Variants in LDAH observed in about 807,000 individuals in gnomAD.
LDAH encodes the protein lipid droplet associated hydrolase, also known as lipid droplet-associated hydrolase.
LDAH carries 26 observed loss-of-function variants against 29.6 expected under a neutral mutation model. That is an observed-to-expected ratio of 0.88 (90% confidence interval 0.64 to 1.22). LDAH has a LOEUF of 1.22. LDAH is among the 50% of genes most tolerant of loss of function. LDAH has a pLI of 0.00. For missense variants in LDAH, 344 were observed against 387.3 expected, an observed-to-expected ratio of 0.89 and a Z score of 0.94; for synonymous variants, 117 against 133.0, an observed-to-expected ratio of 0.88 and a Z score of 0.83.
At chr2:20,772,261 A>G (rs971173395) in intron 4 of LDAH, among the ~76,000 whole-genome samples, 7 of 152,228 alleles carry the variant, frequency 4.6e-5, no homozygotes, top group African/African-American at 1.7e-4. Flanking sequence ...CTCCAAAATG[A>G]ATATTTTCTT....
intron 1 of LDAH, among the ~76,000 whole-genome samples, chr2:20,804,137 G>A (rs936377817): frequency 2.0e-5 from 3 of 152,146 alleles, no homozygotes; most frequent in Non-Finnish European, 4.4e-5. Context: ...GGTAAAATTT[G>A]TCATGTCATG....
intron 4 of LDAH, 58 bp downstream of exon 4, chr2:20,774,752 G>A: frequency 6.6e-7 from 1 of 1,518,776 alleles, no homozygotes; most frequent in Non-Finnish European, 9.0e-7. Context: ...GAAAGGTGAG[G>A]AGGATTTGTG....
At chr2:20,789,328 G>A (rs1670779845) in intron 3 of LDAH, 2 of 1,535,132 alleles carry the variant, frequency 1.3e-6, no homozygotes, top group Admixed American at 4.1e-5. Flanking sequence ...CGAGAGGACA[G>A]CAAGAATGCC....
At chr2:20,816,081 T>G (rs150839594) in intron 1 of LDAH, among the ~76,000 whole-genome samples, 1 of 152,196 alleles carries the variant, frequency 6.6e-6, no homozygotes, top group East Asian at 1.9e-4. Flanking sequence ...GATAAGTTGT[T>G]ACATCTATTG....
rs1263127403 is a variant in LDAH, at chr2:20,738,797, AT to A, written c.703+1173del. 5.9e-5 allele frequency among the ~76,000 whole-genome samples: 9 copies of A among 152,334 alleles called. No homozygotes were observed. In the East Asian group the frequency reaches 1.7e-3, roughly 29 times the overall value. On this transcript the variant is annotated intron_variant, in intron 5 of 6. Transcript: ENST00000237822. ...ATAGGACAAATATACTGAACCTTGT[AT>A]TTTTGAGGACTGCTTCTTGTTACAT...
At chr2:20,803,531 G>A (rs1671865289) in intron 1 of LDAH, among the ~76,000 whole-genome samples, 1 of 152,188 alleles carries the variant, frequency 6.6e-6, no homozygotes, top group Admixed American at 6.5e-5. Flanking sequence ...ATCTAAAGTG[G>A]TGCTCCAACT....
chr2:20,766,161 A>G (rs1350704985), intron 4 of LDAH, among the ~76,000 whole-genome samples: 1 of 152,206 alleles, frequency 6.6e-6, no homozygotes, highest in Admixed American at 6.5e-5. Context: ...AAGTGAAACA[A>G]AAGTTTCATA....
At chr2:20,725,380 C>A (rs1324225425) in intron 5 of LDAH, among the ~76,000 whole-genome samples, 1 of 152,170 alleles carries the variant, frequency 6.6e-6, no homozygotes, top group African/African-American at 2.4e-5. Flanking sequence ...TTGAAGAAGA[C>A]CTGTCACAAT....
intron 4 of LDAH, among the ~76,000 whole-genome samples, chr2:20,770,216 G>A (rs1193359930): frequency 6.6e-6 from 1 of 152,148 alleles, no homozygotes; most frequent in Non-Finnish European, 1.5e-5. Flanking sequence ...TGGTACTTAA[G>A]AGAGTGAGTT....
At chr2:20,706,547 C>T (rs192967966) in intron 5 of LDAH, among the ~76,000 whole-genome samples, 12 of 152,192 alleles carry the variant, frequency 7.9e-5, no homozygotes, top group Admixed American at 5.9e-4. Flanking sequence ...GCTGAATTAT[C>T]GATATAGAAG....
chr2:20,773,814 C>T (rs1669594188), intron 4 of LDAH, among the ~76,000 whole-genome samples: 1 of 152,056 alleles, frequency 6.6e-6, no homozygotes, highest in Non-Finnish European at 1.5e-5. Flanking sequence ...ATATTTTATC[C>T]CACGGAGTGA....
chr2:20,692,846 G>A, intron 6 of LDAH, among the ~76,000 whole-genome samples: 1 of 152,128 alleles, frequency 6.6e-6, no homozygotes, highest in East Asian at 1.9e-4. Context: ...CGGCATTTCT[G>A]GGGGTGTCAT....
rs1010670286 is a variant in LDAH, at chr2:20,738,200, C to T, written c.703+1771G>A. Reference sequence around the variant, plus strand: ...CTGGGAAGCGGAGGTTGCAGTGAGCCGAGATCGCGCCACTGCACTCCAGCC... The same window carrying T: ...CTGGGAAGCGGAGGTTGCAGTGAGCTGAGATCGCGCCACTGCACTCCAGCC... On this transcript the variant is annotated intron_variant, in intron 5 of 6. Transcript: ENST00000237822. Among the ~76,000 whole-genome samples the T allele has an allele frequency of 7.3e-5, 11 of 150,780 alleles. 2 individuals carry two copies. Among genetic ancestry groups the T allele is most frequent in the Admixed American group, 5.3e-4 (8 of 15,182 alleles).
At chr2:20,695,732 G>A (rs564989025) in intron 6 of LDAH, among the ~76,000 whole-genome samples, 4 of 152,258 alleles carry the variant, frequency 2.6e-5, no homozygotes, top group African/African-American at 9.6e-5. Context: ...ACAGGCATGA[G>A]CCACCGTGCC....
At chr2:20,701,222 AT>A (rs1317281135) in intron 6 of LDAH, among the ~76,000 whole-genome samples, 9 of 152,294 alleles carry the variant, frequency 5.9e-5, no homozygotes, top group African/African-American at 1.9e-4. Context: ...CATATAATGT[AT>A]TTTCCACTGT....
chr2:20,687,328 T>C (rs537196231), intron 6 of LDAH, among the ~76,000 whole-genome samples: 3 of 152,208 alleles, frequency 2.0e-5, no homozygotes, highest in Admixed American at 6.5e-5. Flanking sequence ...TCTTGTGTGA[T>C]AGATCACTCA....
chr2:20,746,850 G>A (rs1259556654), intron 4 of LDAH, among the ~76,000 whole-genome samples: 3 of 151,758 alleles, frequency 2.0e-5, no homozygotes, highest in Admixed American at 6.6e-5. Context: ...AAACATTTTC[G>A]CATATTTCAC....
At chr2:20,801,507 G>A (rs775893683) in intron 1 of LDAH, 42 bp from the exon 2 acceptor site, 1 of 1,556,118 alleles carries the variant, frequency 6.4e-7, no homozygotes, top group Non-Finnish European at 8.8e-7. Context: ...TCAGTAAAAT[G>A]TAAAACCTTG....
rs189429769 is a variant in LDAH, at chr2:20,766,873, G to C, written c.468+7937C>G. On this transcript the variant is annotated intron_variant, in intron 4 of 6. Coordinates refer to ENST00000237822, the MANE Select transcript of LDAH (RefSeq NM_021925.4). ...AGCTGACTGTGACGCCTGCTTCGGG[G>C]ACCGGCCAGCAGTGGAGGGTTTCTG... is the stretch of plus-strand genomic sequence containing the variant. Among the ~76,000 whole-genome samples, 905 of 152,304 alleles carry C rather than the reference G, an allele frequency of 5.9e-3. 13 individuals carry two copies. Among genetic ancestry groups the C allele is most frequent in the African/African-American group, 0.021 (866 of 41,564 alleles).
Sources: allele counts gnomAD v4.1 joint callset (sites outside exome capture counted in the v4.1 genomes callset), GRCh38; gene constraint gnomAD v4.1.1; transcripts MANE v1.5; gene names NCBI Gene and HGNC (gene_info 2026-07-23, HGNC 2026-07-21).